Variants in ARHGEF28 observed in about 807,000 individuals in gnomAD.
ARHGEF28 encodes Rho guanine nucleotide exchange factor 28.
In ARHGEF28, 152 loss-of-function variants were observed where a neutral mutation model predicts 206.6. The observed-to-expected ratio is 0.74, with a 90% CI of 0.64 to 0.84. The LOEUF (loss-of-function observed/expected upper bound fraction) is 0.84. Among genes scored for constraint, ARHGEF28 ranks in the 40% least tolerant of loss-of-function variants. The probability of loss-of-function intolerance (pLI) is 0.00; values close to 1 mark genes in which losing one functional copy is unlikely to be tolerated. For synonymous variants in ARHGEF28, 763 were observed against 776.4 expected, an observed-to-expected ratio of 0.98 and a Z score of 0.29; for missense variants, 2,028 against 2,073.2, an observed-to-expected ratio of 0.98 and a Z score of 0.42.
intron 2 of ARHGEF28, among the ~76,000 whole-genome samples, chr5:73,700,616 T>C (rs915877627): frequency 6.6e-6 from 1 of 152,158 alleles, no homozygotes; most frequent in Non-Finnish European, 1.5e-5. Flanking sequence ...ACAAAAGAGC[T>C]GGAAGAGAAG....
chr5:73,893,289 G>A lies in ARHGEF28; in HGVS notation c.3658+1G>A. On this transcript the variant is annotated splice_donor_variant, in intron 28 of 35. Coordinates refer to ENST00000513042, the MANE Select transcript of ARHGEF28 (RefSeq NM_001177693.2). LOFTEE classifies it high-confidence loss of function. ...GTGGCCAAAATTCAGCAATGTCAAG[G>A]TACAGTGCAGGCACTTCTGGCTCCC... The A allele has an allele frequency of 1.9e-6, 3 of 1,547,956 alleles. No individual in the cohort carries two copies. Among genetic ancestry groups the A allele is most frequent in the Non-Finnish European group, 2.6e-6 (3 of 1,145,896 alleles).
intron 32 of ARHGEF28, 22 bp from the exon 33 acceptor site, chr5:73,904,336 C>T: frequency 6.2e-7 from 1 of 1,613,180 alleles, no homozygotes; most frequent in South Asian, 1.1e-5. Flanking sequence ...AAGAATTTGA[C>T]ACTTACAATT....
chr5:73,904,319 C>G (rs746075788), intron 32 of ARHGEF28, 39 bp from the exon 33 acceptor site: 1 of 1,612,734 alleles, frequency 6.2e-7, no homozygotes, highest in Non-Finnish European at 8.5e-7. Context: ...ATAATGAAAG[C>G]TTTTTCAAGA....
intron 1 of ARHGEF28, among the ~76,000 whole-genome samples, chr5:73,674,222 A>G (rs1746517121): frequency 6.6e-6 from 1 of 152,206 alleles, no homozygotes; most frequent in East Asian, 1.9e-4. Context: ...GATTCAATGC[A>G]GCTTGTTCCC....
Position 73,882,040 on chromosome 5 carries a change from T to G in ARHGEF28, c.2815-432T>G, listed in dbSNP as rs551170732. Among the ~76,000 whole-genome samples the G allele has an allele frequency of 2.0e-5, 3 of 151,632 alleles. No homozygotes were observed. The South Asian group carries it at 6.3e-4, about 32-fold the overall frequency. ...GTAAATGCCAAATGGGTGATTTTTTTGGGGGGGAGGTTAGCCAAAGTAAAT... is the reference window on the plus strand; with the variant it reads ...GTAAATGCCAAATGGGTGATTTTTTGGGGGGGGAGGTTAGCCAAAGTAAAT... On this transcript the variant is annotated intron_variant, in intron 22 of 35. Coordinates refer to ENST00000513042, the MANE Select transcript of ARHGEF28 (RefSeq NM_001177693.2).
intron 2 of ARHGEF28, among the ~76,000 whole-genome samples, chr5:73,717,868 G>A (rs192344679): frequency 3.9e-5 from 6 of 152,120 alleles, no homozygotes; most frequent in Non-Finnish European, 5.9e-5. Flanking sequence ...TTATCAATAT[G>A]GAATTTGTCT....
chr5:73,920,828 A>G (rs1390939321), intron 35 of ARHGEF28, among the ~76,000 whole-genome samples: 1 of 152,184 alleles, frequency 6.6e-6, no homozygotes, highest in Non-Finnish European at 1.5e-5. Flanking sequence ...TGTGTTTCCC[A>G]TAAAATGCTT....
chr5:73,849,557 C>G (rs1758573115), intron 13 of ARHGEF28, among the ~76,000 whole-genome samples: 1 of 151,970 alleles, frequency 6.6e-6, no homozygotes, highest in Non-Finnish European at 1.5e-5. Context: ...ATATTTGTAA[C>G]ATGATTAAAT....
intron 1 of ARHGEF28, among the ~76,000 whole-genome samples, chr5:73,635,318 T>A (rs900862268): frequency 1.3e-5 from 2 of 152,108 alleles, no homozygotes; most frequent in African/African-American, 4.8e-5. Flanking sequence ...CACTCCAGCC[T>A]GGGCAACAAT....
chr5:73,866,546 A>T (rs1759719883), intron 18 of ARHGEF28, among the ~76,000 whole-genome samples: 3 of 152,186 alleles, frequency 2.0e-5, no homozygotes, highest in African/African-American at 7.2e-5. Flanking sequence ...CTGGTGTTTA[A>T]TTAGCTGTGC....
chr5:73,829,324 A>G (rs966956750), intron 9 of ARHGEF28, among the ~76,000 whole-genome samples: 3 of 152,180 alleles, frequency 2.0e-5, no homozygotes, highest in African/African-American at 4.8e-5. Context: ...TCCCTTTGCA[A>G]CAAAGAGTCA....
rs1231505206 is a variant in ARHGEF28, at chr5:73,875,644, C to G, written c.2814+2398C>G. On this transcript the variant is annotated intron_variant, in intron 22 of 35. Transcript: ENST00000513042. ...GTTTCAGCTTTCTACATATGGCTAG[C>G]CAGTTTTCCCAGCACCATTTATTAA... Among the ~76,000 whole-genome samples, 5 of 152,074 alleles carry G rather than the reference C, an allele frequency of 3.3e-5. No individual in the cohort carries two copies. In the East Asian group the frequency reaches 7.7e-4, roughly 23 times the overall value.
chr5:73,686,721 A>T (rs1242135305), intron 2 of ARHGEF28, among the ~76,000 whole-genome samples: 1 of 151,506 alleles, frequency 6.6e-6, no homozygotes, highest in Non-Finnish European at 1.5e-5. Context: ...ACAGGGTTTC[A>T]CCGTGTTAGC....
intron 4 of ARHGEF28, among the ~76,000 whole-genome samples, chr5:73,767,985 C>T (rs1228113395): frequency 6.6e-6 from 1 of 152,182 alleles, no homozygotes; most frequent in Non-Finnish European, 1.5e-5. Context: ...GGAACCAACA[C>T]AGAACTCGGG....
chr5:73,841,215 A>G (rs1757967519), intron 11 of ARHGEF28, among the ~76,000 whole-genome samples: 1 of 152,244 alleles, frequency 6.6e-6, no homozygotes, highest in Non-Finnish European at 1.5e-5. Flanking sequence ...AATAACTTAT[A>G]TATAGTTACA....
intron 12 of ARHGEF28, among the ~76,000 whole-genome samples, chr5:73,847,218 GGTT>G (rs1220799250): frequency 6.6e-6 from 1 of 152,014 alleles, no homozygotes; most frequent in African/African-American, 2.4e-5. Flanking sequence ...TCTAACGTAT[GGTT>G]GTTATGATAA....
chr5:73,830,887 CAT>C (rs1345042195), intron 9 of ARHGEF28, among the ~76,000 whole-genome samples: 2 of 152,072 alleles, frequency 1.3e-5, no homozygotes, highest in Non-Finnish European at 2.9e-5. Flanking sequence ...GGCAGTGGGA[CAT>C]GTGACATTTC....
intron 35 of ARHGEF28, among the ~76,000 whole-genome samples, chr5:73,937,957 C>A (rs1319581006): frequency 6.6e-6 from 1 of 152,076 alleles, no homozygotes; most frequent in East Asian, 1.9e-4. Flanking sequence ...CTACATAGTT[C>A]AGGTAGAAAC....
intron 3 of ARHGEF28, among the ~76,000 whole-genome samples, chr5:73,750,864 T>C (rs755682618): frequency 1.3e-5 from 2 of 152,156 alleles, no homozygotes; most frequent in Non-Finnish European, 2.9e-5. Context: ...AAGATTGAGA[T>C]CATTTTTAAA....
Sources: gnomAD v4.1 joint callset for allele counts (sites outside exome capture counted in the v4.1 genomes callset) on GRCh38, gnomAD v4.1.1 for gene constraint, MANE v1.5 for transcripts, NCBI Gene and HGNC (gene_info 2026-07-23, HGNC 2026-07-21) for gene names.